The following ROCK1 variants were observed in gnomAD, a reference collection of about 807,000 sequenced individuals.
ROCK1 encodes the protein Rho associated coiled-coil containing protein kinase 1.
Under a neutral mutation model 196.8 loss-of-function variants are expected in ROCK1, and 36 were observed. The ratio of observed to expected loss-of-function variants is 0.18; its 90% CI spans 0.14 to 0.24. The LOEUF is 0.24. Among genes scored for constraint, ROCK1 ranks in the 10% least tolerant of loss-of-function variants. The pLI is 1.00. For missense variants in ROCK1, 920 were observed against 1,562.0 expected, an observed-to-expected ratio of 0.59 and a Z score of 6.93; for synonymous variants, 443 against 515.9, an observed-to-expected ratio of 0.86 and a Z score of 1.91.
intron 9 of ROCK1, among the ~76,000 whole-genome samples, chr18:21,035,980 A>G (rs542242854): frequency 6.6e-6 from 1 of 152,330 alleles, no homozygotes; most frequent in African/African-American, 2.4e-5. Flanking sequence ...CAGTAGAGGT[A>G]ATAGTTTTAA....
chr18:21,060,880 C>G (rs368569515), intron 2 of ROCK1, among the ~76,000 whole-genome samples: 2 of 143,116 alleles, frequency 1.4e-5, no homozygotes, highest in African/African-American at 5.2e-5. Context: ...CATGCAAAAA[C>G]TTGTACACGA....
chr18:20,990,918 C>T (rs1285770649), intron 18 of ROCK1, among the ~76,000 whole-genome samples: 1 of 151,568 alleles, frequency 6.6e-6, no homozygotes, highest in East Asian at 2.0e-4. Context: ...GCGACACACA[C>T]CTGGCTAATT....
chr18:21,028,993 G>A, intron 9 of ROCK1, 58 bp from the exon 10 acceptor site: 1 of 1,517,244 alleles, frequency 6.6e-7, no homozygotes. Flanking sequence ...GTAAAGTGAA[G>A]CACATTCCAT....
intron 1 of ROCK1, among the ~76,000 whole-genome samples, chr18:21,098,441 A>C (rs1277243995): frequency 1.3e-5 from 2 of 152,214 alleles, no homozygotes; most frequent in Admixed American, 1.3e-4. Context: ...GTAGATTTCA[A>C]AGTAAAAACT....
chr18:20,999,732 T>C (rs1212559936), intron 16 of ROCK1, among the ~76,000 whole-genome samples: 1 of 152,154 alleles, frequency 6.6e-6, no homozygotes, highest in Non-Finnish European at 1.5e-5. Context: ...TGAGACAAGG[T>C]CTGCCTCTGT....
At chr18:21,106,130 C>A (rs574844695) in intron 1 of ROCK1, among the ~76,000 whole-genome samples, 1 of 152,274 alleles carries the variant, frequency 6.6e-6, no homozygotes, top group African/African-American at 2.4e-5. Context: ...TCCCTTCTGT[C>A]TCCTCCGCTC....
At chr18:20,982,940 CTT>C (rs930549475) in intron 20 of ROCK1, 108 bp from the exon 21 acceptor site, 7 of 556,568 alleles carry the variant, frequency 1.3e-5, no homozygotes, top group Non-Finnish European at 2.3e-5. Flanking sequence ...CTAAAACAAT[CTT>C]TATTTTTTAA....
At chr18:20,994,229 A>G (rs935745145) in intron 16 of ROCK1, among the ~76,000 whole-genome samples, 2 of 152,232 alleles carry the variant, frequency 1.3e-5, no homozygotes, top group African/African-American at 4.8e-5. Context: ...TTGACCAAAA[A>G]TACAGAGTAT....
At chr18:21,023,208 C>T (rs969081047) in intron 11 of ROCK1, among the ~76,000 whole-genome samples, 1 of 152,046 alleles carries the variant, frequency 6.6e-6, no homozygotes, top group African/African-American at 2.4e-5. Flanking sequence ...CTTAATGCCA[C>T]CGAACTGCAC....
chr18:21,053,765 A>C (rs1316834946), intron 2 of ROCK1, among the ~76,000 whole-genome samples: 2 of 152,120 alleles, frequency 1.3e-5, no homozygotes, highest in Non-Finnish European at 2.9e-5. Context: ...TGAGCCTAGG[A>C]GTTCAAGGCT....
In ROCK1 at chr18:21,064,870, G is replaced by A. The variant is rs2036320845; in HGVS notation, c.175+5662C>T. Among the ~76,000 whole-genome samples, 4 of 152,214 alleles carry A rather than the reference G, an allele frequency of 2.6e-5. 1 individual carries two copies. Among genetic ancestry groups the A allele is most frequent in the Admixed American group, 2.6e-4 (4 of 15,272 alleles). On this transcript the variant is annotated intron_variant, in intron 2 of 32. Transcript: ENST00000399799. ...TACATTTTCTAAGCTTGGAGCACGT[G>A]TCTAACTGCGCCCACTATTTCTTTC...
chr18:20,970,841 T>C (rs546931899), intron 22 of ROCK1, among the ~76,000 whole-genome samples: 36 of 152,330 alleles, frequency 2.4e-4, no homozygotes, highest in African/African-American at 8.4e-4. Context: ...GGAAAAGTCA[T>C]TGACTTGTTA....
intron 9 of ROCK1, among the ~76,000 whole-genome samples, chr18:21,029,814 A>G (rs1406509724): frequency 3.3e-5 from 5 of 152,270 alleles, no homozygotes; most frequent in African/African-American, 1.2e-4. Flanking sequence ...TAAGAAAATA[A>G]AATTTTAAGA....
intron 27 of ROCK1, among the ~76,000 whole-genome samples, chr18:20,961,632 G>A (rs937292061): frequency 2.6e-5 from 4 of 151,958 alleles, no homozygotes; most frequent in South Asian, 2.1e-4. Flanking sequence ...TATTCTGTTC[G>A]CAAACAAGCT....
intron 13 of ROCK1, among the ~76,000 whole-genome samples, chr18:21,010,040 T>C (rs2035803555): frequency 6.6e-6 from 1 of 152,208 alleles, no homozygotes; most frequent in Non-Finnish European, 1.5e-5. Context: ...ATATGGTCTA[T>C]AGTATATGCC....
chr18:20,992,551 A>C (rs2035635635), intron 17 of ROCK1, among the ~76,000 whole-genome samples: 1 of 152,200 alleles, frequency 6.6e-6, no homozygotes, highest in Admixed American at 6.5e-5. Flanking sequence ...AAATAGGAAA[A>C]CATACTTTAT....
At chr18:21,045,248 T>C (rs1466173311) in intron 5 of ROCK1, 44 bp downstream of exon 5, 2 of 1,491,136 alleles carry the variant, frequency 1.3e-6, no homozygotes, top group Admixed American at 2.1e-5. Context: ...TTTTTAGCTA[T>C]TTCCCTCAAC....
chr18:21,038,537 A>G (rs2143497162), intron 9 of ROCK1, among the ~76,000 whole-genome samples: 1 of 152,290 alleles, frequency 6.6e-6, no homozygotes, highest in African/African-American at 2.4e-5. Flanking sequence ...GCAAACCTAC[A>G]TGATTTATTT....
At chr18:21,078,899 T>C (rs182260130) in intron 1 of ROCK1, among the ~76,000 whole-genome samples, 157 of 152,320 alleles carry the variant, frequency 1.0e-3, no homozygotes, top group African/African-American at 3.7e-3. Flanking sequence ...GCTATCTGGT[T>C]CTACTGCTTG....
Sources: allele counts gnomAD v4.1 joint callset (sites outside exome capture counted in the v4.1 genomes callset), GRCh38; gene constraint gnomAD v4.1.1; transcripts MANE v1.5; gene names NCBI Gene and HGNC (gene_info 2026-07-23, HGNC 2026-07-21).